The following VWC2L variants were observed in gnomAD, a reference collection of about 807,000 sequenced individuals.
VWC2L encodes von Willebrand factor C domain containing 2 like, also known as von Willebrand factor C domain-containing protein 2-like.
Under a neutral mutation model 21.6 loss-of-function variants are expected in VWC2L, and 10 were observed. The ratio of observed to expected loss-of-function variants is 0.46; its 90% confidence interval spans 0.29 to 0.78. VWC2L has a LOEUF of 0.78. Ranked by LOEUF, VWC2L falls within the 30% of genes least tolerant of loss-of-function variation. The pLI is 0.10. For missense variants in VWC2L, 209 were observed against 277.1 expected, an observed-to-expected ratio of 0.75 and a Z score of 1.74; for synonymous variants, 96 against 94.3, an observed-to-expected ratio of 1.02 and a Z score of -0.10.
intron 3 of VWC2L, among the ~76,000 whole-genome samples, chr2:214,493,532 C>T (rs1688772756): frequency 6.6e-6 from 1 of 152,168 alleles, no homozygotes; most frequent in Admixed American, 6.5e-5. Flanking sequence ...GCATGCTCCC[C>T]ACCCCCATGC....
intron 2 of VWC2L, among the ~76,000 whole-genome samples, chr2:214,432,504 C>T (rs530884255): frequency 2.6e-4 from 40 of 152,164 alleles, no homozygotes; most frequent in South Asian, 2.1e-3. Context: ...AAAATGGGTT[C>T]GTTGCTTTTC....
chr2:214,573,780 C>A (rs1239799999), intron 3 of VWC2L, among the ~76,000 whole-genome samples: 3 of 152,160 alleles, frequency 2.0e-5, no homozygotes, highest in Non-Finnish European at 4.4e-5. Flanking sequence ...AATCCCAAGA[C>A]CTATGGAATT....
chr2:214,515,767 C>A (rs1689132228), intron 3 of VWC2L, among the ~76,000 whole-genome samples: 1 of 152,108 alleles, frequency 6.6e-6, no homozygotes, highest in South Asian at 2.1e-4. Context: ...GTTGGTCAGG[C>A]AGGTCTCAAA....
At chr2:214,500,197 A>G (rs1688872319) in intron 3 of VWC2L, among the ~76,000 whole-genome samples, 1 of 152,222 alleles carries the variant, frequency 6.6e-6, no homozygotes, top group Non-Finnish European at 1.5e-5. Context: ...GGCATCATCT[A>G]TCTTAGAAAT....
intron 3 of VWC2L, among the ~76,000 whole-genome samples, chr2:214,508,865 C>T (rs1349327658): frequency 6.6e-6 from 1 of 152,098 alleles, no homozygotes. Flanking sequence ...TGTGGAAGTT[C>T]TGACCCATTC....
At chr2:214,564,484 T>C (rs544729963) in intron 3 of VWC2L, among the ~76,000 whole-genome samples, 1 of 151,784 alleles carries the variant, frequency 6.6e-6, no homozygotes, top group South Asian at 2.1e-4. Context: ...TTTTTTTATA[T>C]TTCCAGCACA....
intron 3 of VWC2L, among the ~76,000 whole-genome samples, chr2:214,504,343 T>G (rs1395400912): frequency 6.6e-6 from 1 of 152,174 alleles, no homozygotes; most frequent in Non-Finnish European, 1.5e-5. Flanking sequence ...AGGACTAACA[T>G]GGATGGGCTG....
At chr2:214,521,039 C>T (rs1195897961) in intron 3 of VWC2L, among the ~76,000 whole-genome samples, 3 of 151,554 alleles carry the variant, frequency 2.0e-5, no homozygotes, top group African/African-American at 7.3e-5. Context: ...CTGACTAACA[C>T]GGTGAAACCC....
intron 3 of VWC2L, among the ~76,000 whole-genome samples, chr2:214,546,407 C>T (rs951139012): frequency 6.6e-6 from 1 of 152,086 alleles, no homozygotes; most frequent in Non-Finnish European, 1.5e-5. Flanking sequence ...CTAATGTTTT[C>T]CTTCCCTTCT....
intron 3 of VWC2L, among the ~76,000 whole-genome samples, chr2:214,535,538 A>T (rs1238006002): frequency 1.3e-5 from 2 of 152,056 alleles, no homozygotes; most frequent in Non-Finnish European, 2.9e-5. Flanking sequence ...ATTCAAACAG[A>T]ATTAGCAGCC....
chr2:214,531,208 G>C (rs765560999), intron 3 of VWC2L, among the ~76,000 whole-genome samples: 3 of 152,160 alleles, frequency 2.0e-5, no homozygotes, highest in Admixed American at 6.5e-5. Context: ...CAGGAAAAAT[G>C]CAAGTAAGAG....
chr2:214,574,103 C>T (rs934397301), intron 3 of VWC2L, among the ~76,000 whole-genome samples: 6 of 152,188 alleles, frequency 3.9e-5, no homozygotes, highest in African/African-American at 1.4e-4. Context: ...GATTGCGCCA[C>T]TGCACTCCAG....
At chr2:214,418,748 TTA>T (rs1162704330) in intron 2 of VWC2L, among the ~76,000 whole-genome samples, 1 of 152,220 alleles carries the variant, frequency 6.6e-6, no homozygotes, top group African/African-American at 2.4e-5. Context: ...TAGTTTCTGT[TTA>T]TGTGTTGATC....
intron 3 of VWC2L, among the ~76,000 whole-genome samples, chr2:214,449,249 T>C (rs1702917028): frequency 6.6e-6 from 1 of 152,190 alleles, no homozygotes; most frequent in African/African-American, 2.4e-5. Context: ...ATATACACTG[T>C]GGTAGGCTAG....
intron 2 of VWC2L, among the ~76,000 whole-genome samples, chr2:214,418,942 G>C (rs1223966078): frequency 6.6e-6 from 1 of 152,040 alleles, no homozygotes; most frequent in Non-Finnish European, 1.5e-5. Context: ...TCCCAGCATC[G>C]CAATGACTAC....
chr2:214,531,286 T>C (rs1689431558), intron 3 of VWC2L, among the ~76,000 whole-genome samples: 1 of 152,176 alleles, frequency 6.6e-6, no homozygotes, highest in Non-Finnish European at 1.5e-5. Flanking sequence ...GTGTGTGGAC[T>C]GTGTTAGTCC....
chr2:214,448,147 G>A (rs372870346), intron 3 of VWC2L, among the ~76,000 whole-genome samples: 1 of 152,024 alleles, frequency 6.6e-6, no homozygotes, highest in African/African-American at 2.4e-5. Flanking sequence ...TTGACTTACT[G>A]GTCTCCCCTC....
At chr2:214,527,055 T>C (rs1032405512) in intron 3 of VWC2L, among the ~76,000 whole-genome samples, 3 of 152,052 alleles carry the variant, frequency 2.0e-5, no homozygotes, top group Admixed American at 1.3e-4. Flanking sequence ...CACCATAGAA[T>C]ACTACACAGC....
chr2:214,451,312 G>GT (rs772341455), intron 3 of VWC2L, among the ~76,000 whole-genome samples: 1 of 150,486 alleles, frequency 6.6e-6, no homozygotes, highest in Non-Finnish European at 1.5e-5. Context: ...TCGGTGTGGG[G>GT]GGGGGGGGCA....
Sources: gnomAD v4.1 joint callset for allele counts (sites outside exome capture counted in the v4.1 genomes callset) on GRCh38, gnomAD v4.1.1 for gene constraint, MANE v1.5 for transcripts, NCBI Gene and HGNC (gene_info 2026-07-23, HGNC 2026-07-21) for gene names.